MACROD2: variants seen among roughly 807,000 people sequenced by gnomAD.
MACROD2 encodes ADP-ribose glycohydrolase MACROD2.
A neutral mutation model predicts 70.4 loss-of-function variants in MACROD2; 36 were observed. The ratio of observed to expected loss-of-function variants is 0.51; its 90% CI spans 0.39 to 0.68. The LOEUF (loss-of-function observed/expected upper bound fraction) is 0.68, where lower values mean the gene tolerates loss of function less well. MACROD2 is among the 30% of genes least tolerant of loss of function. The pLI is 0.00. For missense variants in MACROD2, 496 were observed against 538.4 expected (o/e 0.92, Z 0.78); for synonymous variants, 172 against 178.8 (o/e 0.96, Z 0.30).
In MACROD2 at chr20:15,904,880, CAAAAAA is replaced by C. The variant is rs10556594; in HGVS notation, c.775+19088_775+19093del. On this transcript the variant is annotated intron_variant, in intron 10 of 17. Coordinates refer to ENST00000684519, the MANE Select transcript of MACROD2 (RefSeq NM_001351661.2). ...TGCGCGAAAGAGAGAGACTCTGTCT[CAAAAAA>C]AAAAAAAAAAAAAAAAAAGAAGGAA... Among the ~76,000 whole-genome samples the C allele has an allele frequency of 2.9e-3, 369 of 129,034 alleles. 11 individuals are homozygous for C. The East Asian group carries it at 0.064, about 22-fold the overall frequency. 84.7% of individuals were successfully genotyped at this position (129,034 alleles called of 152,430 possible). A position where few individuals can be genotyped will look rare whatever the true frequency, so the allele number is the denominator to read the frequency against.
chr20:15,718,279 G>A (rs1568991231), intron 8 of MACROD2, among the ~76,000 whole-genome samples: 2 of 152,150 alleles, frequency 1.3e-5, no homozygotes, highest in Admixed American at 6.5e-5. Context: ...ATGAACCACC[G>A]TGGATGGCCT....
intron 8 of MACROD2, among the ~76,000 whole-genome samples, chr20:15,633,716 C>T (rs2049324607): frequency 6.6e-6 from 1 of 152,122 alleles, no homozygotes; most frequent in Non-Finnish European, 1.5e-5. Context: ...TCTGGGTTTA[C>T]ACATTGAATC....
chr20:15,427,861 A>AT (rs1259659786), intron 6 of MACROD2, among the ~76,000 whole-genome samples: 4 of 152,074 alleles, frequency 2.6e-5, no homozygotes, highest in Admixed American at 6.5e-5. Flanking sequence ...ACAAGGGGTG[A>AT]TTTTTTCCCC....
chr20:15,960,865 G>A (rs1601221542), intron 12 of MACROD2, among the ~76,000 whole-genome samples: 3 of 152,248 alleles, frequency 2.0e-5, no homozygotes, highest in Non-Finnish European at 2.9e-5. Context: ...TTGGCTACAA[G>A]GCTTAGCTTG....
At chr20:14,001,458 A>G (rs1047482248) in intron 1 of MACROD2, among the ~76,000 whole-genome samples, 38 of 152,144 alleles carry the variant, frequency 2.5e-4, no homozygotes, top group African/African-American at 8.2e-4. Flanking sequence ...AGTTGAGGAA[A>G]TATCTTGGTG....
At chr20:14,313,524 A>G (rs1189703120) in intron 3 of MACROD2, among the ~76,000 whole-genome samples, 1 of 151,860 alleles carries the variant, frequency 6.6e-6, no homozygotes, top group Non-Finnish European at 1.5e-5. Context: ...ACTTCTAAGG[A>G]AAAGCGAAGA....
chr20:14,080,123 CTT>C (rs2053970333), intron 2 of MACROD2, among the ~76,000 whole-genome samples: 1 of 152,058 alleles, frequency 6.6e-6, no homozygotes, highest in South Asian at 2.1e-4. Flanking sequence ...CTTGGCTTGA[CTT>C]TTAATCTTCA....
chr20:14,476,636 C>T (rs559533276), intron 3 of MACROD2, among the ~76,000 whole-genome samples: 6 of 152,280 alleles, frequency 3.9e-5, no homozygotes, highest in East Asian at 1.9e-4. Context: ...GGATTACAGG[C>T]GTGAGCCACC....
chr20:14,319,561 C>A (rs1245200454), intron 3 of MACROD2, among the ~76,000 whole-genome samples: 4 of 152,096 alleles, frequency 2.6e-5, no homozygotes, highest in African/African-American at 9.7e-5. Flanking sequence ...TTCTTTATCT[C>A]CCATTATCCT....
chr20:15,993,330 C>T (rs13044855), intron 15 of MACROD2, among the ~76,000 whole-genome samples: 12,421 of 150,780 alleles, frequency 0.082, 561 homozygotes, highest in African/African-American at 0.12. Context: ...GTATATGTCC[C>T]GGTGGTCCCA....
Position 14,250,444 on chromosome 20 carries a change from C to T in MACROD2, c.271+164716C>T, listed in dbSNP as rs530420378. Among the ~76,000 whole-genome samples, 5 of 152,136 alleles carry T rather than the reference C, an allele frequency of 3.3e-5. No homozygotes were observed. In the East Asian group the frequency reaches 9.7e-4, roughly 29 times the overall value. On this transcript the variant is annotated intron_variant, in intron 3 of 17. Transcript: ENST00000684519. ...TTTCATTTTCTAAGAATAATGAATA[C>T]TTACCTACTACCCTCCATGCTACTA...
intron 6 of MACROD2, among the ~76,000 whole-genome samples, chr20:15,236,701 T>C (rs1389050269): frequency 1.3e-5 from 2 of 152,220 alleles, no homozygotes; most frequent in Non-Finnish European, 2.9e-5. Flanking sequence ...GTTTCTCCAC[T>C]AGCTAAGCAT....
intron 5 of MACROD2, among the ~76,000 whole-genome samples, chr20:14,724,013 CT>C (rs2071499807): frequency 6.6e-6 from 1 of 152,078 alleles, no homozygotes; most frequent in African/African-American, 2.4e-5. Flanking sequence ...ACTAAGATAG[CT>C]TTGCTCTCCT....
Position 15,875,248 on chromosome 20 carries a change from C to T in MACROD2, c.728-10516C>T, listed in dbSNP as rs149915583. Among the ~76,000 whole-genome samples, 300 of 152,148 alleles carry T rather than the reference C, an allele frequency of 2.0e-3. 5 individuals carry two copies. In the East Asian group the frequency reaches 0.043, roughly 22 times the overall value. On this transcript the variant is annotated intron_variant, in intron 9 of 17. Coordinates refer to ENST00000684519, the MANE Select transcript of MACROD2 (RefSeq NM_001351661.2). ...TTACAACAGTAATAGAAAACTAATA[C>T]GCCAGTCATCTATGAATAAGTGAAA...
chr20:14,396,412 A>G (rs2083579841), intron 3 of MACROD2, among the ~76,000 whole-genome samples: 2 of 152,208 alleles, frequency 1.3e-5, no homozygotes, highest in African/African-American at 4.8e-5. Flanking sequence ...ATAAAAGTCT[A>G]GGATAATTGT....
intron 6 of MACROD2, among the ~76,000 whole-genome samples, chr20:15,339,718 T>A (rs1399188400): frequency 2.0e-5 from 3 of 151,842 alleles, no homozygotes; most frequent in Non-Finnish European, 2.9e-5. Flanking sequence ...AGTTTCTGTT[T>A]ATGGAACACT....
intron 5 of MACROD2, among the ~76,000 whole-genome samples, chr20:14,846,526 T>TA (rs1307412244): frequency 2.3e-5 from 1 of 43,218 alleles, no homozygotes; most frequent in Admixed American, 2.1e-4. Flanking sequence ...CACCTTTTAA[T>TA]TTTTTTTTTG....
In MACROD2 at chr20:14,799,198, C is replaced by T. The variant is rs2072545373; in HGVS notation, c.418+114239C>T. On this transcript the variant is annotated intron_variant, in intron 5 of 17. Coordinates refer to ENST00000684519, the MANE Select transcript of MACROD2 (RefSeq NM_001351661.2). ...AAGATTTCTTATTTGTATAAATATA[C>T]TTCTGATGAGATTTTGATTTTGAAG... 3.3e-5 allele frequency among the ~76,000 whole-genome samples: 5 copies of T among 152,076 alleles called. No homozygotes were observed. The South Asian group carries it at 1.0e-3, about 32-fold the overall frequency.
intron 6 of MACROD2, among the ~76,000 whole-genome samples, chr20:15,429,057 A>G (rs2046334503): frequency 1.3e-5 from 2 of 152,154 alleles, no homozygotes; most frequent in Non-Finnish European, 2.9e-5. Flanking sequence ...ATGAATCTGA[A>G]TCCTCTCTGA....
Sources: gnomAD v4.1 joint callset for allele counts (sites outside exome capture counted in the v4.1 genomes callset) on GRCh38, gnomAD v4.1.1 for gene constraint, MANE v1.5 for transcripts, NCBI Gene and HGNC (gene_info 2026-07-23, HGNC 2026-07-21) for gene names.